Variants in ZRANB3 observed in about 807,000 individuals in gnomAD.
ZRANB3 encodes the protein DNA annealing helicase and endonuclease ZRANB3.
In ZRANB3, 125 loss-of-function variants were observed where a neutral mutation model predicts 133.8. That is an observed-to-expected ratio of 0.93 (90% CI 0.81 to 1.08). The LOEUF (loss-of-function observed/expected upper bound fraction) is 1.08. ZRANB3 is among the 50% of genes least tolerant of loss of function. ZRANB3 has a pLI of 0.00. For missense variants in ZRANB3, 1,229 were observed against 1,275.5 expected (o/e 0.96, Z 0.56); for synonymous variants, 387 against 432.7 (o/e 0.89, Z 1.31).
rs1028009834 is a variant in ZRANB3, at chr2:135,289,606, C to A, written c.967-13851G>T. 2.0e-5 allele frequency among the ~76,000 whole-genome samples: 3 copies of A among 152,056 alleles called. 1 individual carries two copies. The South Asian group carries it at 6.2e-4, about 32-fold the overall frequency. ...CTGTGGTCTGAGAGAGTACTTGATA[C>A]AATGTGATTTTTTTGGCTGGGCTCA... On this transcript the variant is annotated intron_variant, in intron 8 of 20. Transcript: ENST00000264159.
At chr2:135,290,406 G>C (rs1681627679) in intron 8 of ZRANB3, among the ~76,000 whole-genome samples, 1 of 152,076 alleles carries the variant, frequency 6.6e-6, no homozygotes, top group Non-Finnish European at 1.5e-5. Flanking sequence ...CTGATACAAG[G>C]ATAGCTACTC....
chr2:135,392,020 A>G (rs1032691017), intron 2 of ZRANB3, among the ~76,000 whole-genome samples: 5 of 152,180 alleles, frequency 3.3e-5, no homozygotes, highest in African/African-American at 4.8e-5. Context: ...ACAAGGGGCA[A>G]AGGGAAAGAA....
intron 2 of ZRANB3, among the ~76,000 whole-genome samples, chr2:135,416,074 T>A (rs1230109517): frequency 1.3e-5 from 2 of 152,106 alleles, no homozygotes; most frequent in East Asian, 1.9e-4. Flanking sequence ...CGCTCATCAC[T>A]CCTATTCAAC....
At chr2:135,290,862 G>C (rs1311514736) in intron 8 of ZRANB3, among the ~76,000 whole-genome samples, 1 of 152,186 alleles carries the variant, frequency 6.6e-6, no homozygotes, top group Non-Finnish European at 1.5e-5. Context: ...GCCAGGGATG[G>C]TTTCCTTGAT....
intron 6 of ZRANB3, among the ~76,000 whole-genome samples, chr2:135,338,476 C>T (rs1684470873): frequency 6.6e-6 from 1 of 152,226 alleles, no homozygotes; most frequent in Admixed American, 6.5e-5. Flanking sequence ...TGCCGCGTGG[C>T]TTCTATAGAG....
At chr2:135,504,073 G>C (rs2104822211) in intron 2 of ZRANB3, 1 of 479,612 alleles carries the variant, frequency 2.1e-6, no homozygotes, top group Non-Finnish European at 3.8e-6. Context: ...GTCAATATAT[G>C]AGTTGCTGAG....
At chr2:135,455,910 A>T (rs1018125506) in intron 2 of ZRANB3, among the ~76,000 whole-genome samples, 15 of 152,114 alleles carry the variant, frequency 9.9e-5, no homozygotes, top group Non-Finnish European at 7.4e-5. Context: ...TTGATTTTTT[A>T]AAAATTTCAG....
intron 1 of ZRANB3, among the ~76,000 whole-genome samples, chr2:135,519,965 G>C (rs1170911782): frequency 2.0e-5 from 3 of 152,218 alleles, no homozygotes; most frequent in South Asian, 2.1e-4. Flanking sequence ...ATATATAAAG[G>C]CTGTGAACCG....
chr2:135,451,692 AC>A (rs1690279604), intron 2 of ZRANB3, among the ~76,000 whole-genome samples: 1 of 152,220 alleles, frequency 6.6e-6, no homozygotes, highest in South Asian at 2.1e-4. Flanking sequence ...AAACTGACCA[AC>A]AATGAGGAGG....
intron 1 of ZRANB3, among the ~76,000 whole-genome samples, chr2:135,505,825 T>C (rs974054424): frequency 1.3e-5 from 2 of 152,184 alleles, no homozygotes; most frequent in African/African-American, 4.8e-5. Flanking sequence ...TATGACGGTT[T>C]TTCTTTTTTG....
chr2:135,493,147 A>ACG (rs1692482733), intron 2 of ZRANB3, among the ~76,000 whole-genome samples: 1 of 70,238 alleles, frequency 1.4e-5, no homozygotes, highest in Non-Finnish European at 2.6e-5. Flanking sequence ...ATATATATAT[A>ACG]TATATATATA....
rs1693924473 is a variant in ZRANB3, at chr2:135,207,561, T to C, written c.2882A>G (p.Glu961Gly). 6.2e-7 allele frequency: 1 copy of C among 1,614,002 alleles called. No homozygotes were observed. Among genetic ancestry groups the C allele is most frequent in the Non-Finnish European group, 8.5e-7 (1 of 1,179,882 alleles). Residue 961 changes from glutamate to glycine, a missense_variant, in exon 19 of 21, where the codon GAA (glutamate) becomes GGA (glycine). Transcript: ENST00000264159. ...SYLRAKVFET[E>G]HGVCQLCNVN... ...ATTACAGAGCTGACACACACCATGT[T>C]CAGTTTCAAATACTTTGGCTCTCAG...
chr2:135,350,305 G>A, intron 4 of ZRANB3, 90 bp from the exon 5 acceptor site: 1 of 865,050 alleles, frequency 1.2e-6, no homozygotes, highest in Non-Finnish European at 1.7e-6. Flanking sequence ...ATACAGAGGA[G>A]AAGAAAGAAG....
intron 2 of ZRANB3, among the ~76,000 whole-genome samples, chr2:135,420,483 C>A (rs1259003389): frequency 6.6e-6 from 1 of 151,942 alleles, no homozygotes; most frequent in Non-Finnish European, 1.5e-5. Flanking sequence ...GTTAATTAAG[C>A]TAGTGTTGGT....
intron 3 of ZRANB3, among the ~76,000 whole-genome samples, chr2:135,371,891 T>G (rs1686197948): frequency 6.6e-6 from 1 of 152,088 alleles, no homozygotes; most frequent in Admixed American, 6.5e-5. Context: ...AAAAGAGACT[T>G]CAGCCCACGC....
intron 2 of ZRANB3, among the ~76,000 whole-genome samples, chr2:135,494,445 T>A (rs1288345209): frequency 6.6e-6 from 1 of 151,986 alleles, no homozygotes; most frequent in African/African-American, 2.4e-5. Flanking sequence ...AATTAATAAA[T>A]CATTTTACAG....
At chr2:135,417,661 C>T (rs1033706849) in intron 2 of ZRANB3, among the ~76,000 whole-genome samples, 2 of 152,164 alleles carry the variant, frequency 1.3e-5, no homozygotes, top group Admixed American at 6.6e-5. Context: ...CACATGCACA[C>T]GTATGTTTAC....
chr2:135,281,485 C>CAAAA, intron 8 of ZRANB3, among the ~76,000 whole-genome samples: 1 of 151,866 alleles, frequency 6.6e-6, no homozygotes, highest in East Asian at 1.9e-4. Context: ...CTGGGGGTTT[C>CAAAA]AAAAAAACAT....
intron 8 of ZRANB3, among the ~76,000 whole-genome samples, chr2:135,280,731 G>T (rs1681065121): frequency 6.6e-6 from 1 of 151,848 alleles, no homozygotes; most frequent in Non-Finnish European, 1.5e-5. Flanking sequence ...CAAATTGTTG[G>T]CTTTTAAACA....
Sources: allele counts gnomAD v4.1 joint callset (sites outside exome capture counted in the v4.1 genomes callset), GRCh38; gene constraint gnomAD v4.1.1; transcripts MANE v1.5; gene names NCBI Gene and HGNC (gene_info 2026-07-23, HGNC 2026-07-21).